RPAIN: variants seen among roughly 807,000 people sequenced by gnomAD.
RPAIN encodes the protein RPA-interacting protein.
RPAIN carries 29 observed loss-of-function variants against 30.5 expected under a neutral mutation model. That is an observed-to-expected ratio of 0.95 (90% CI 0.71 to 1.30). The LOEUF is 1.30. RPAIN is among the 50% of genes most tolerant of loss of function. The pLI is 0.00. For synonymous variants in RPAIN, 101 were observed against 93.5 expected (o/e 1.08, Z -0.46); for missense variants, 247 against 264.7 (o/e 0.93, Z 0.46).
chr17:5,421,489 C>G, intron 2 of RPAIN, 23 bp downstream of exon 2: 1 of 1,609,846 alleles, frequency 6.2e-7, no homozygotes, highest in Non-Finnish European at 8.5e-7. Flanking sequence ...TATGTGTTTT[C>G]AGGGAGGGGG....
At chr17:5,424,154 ATTTT>A (rs1325439293) in intron 3 of RPAIN, among the ~76,000 whole-genome samples, 62 of 151,074 alleles carry the variant, frequency 4.1e-4, no homozygotes, top group African/African-American at 1.4e-3. Flanking sequence ...TACCGAGCTA[ATTTT>A]TTTATTTTTT....
intron 3 of RPAIN, among the ~76,000 whole-genome samples, chr17:5,423,648 C>T (rs1184856570): frequency 1.3e-5 from 2 of 152,230 alleles, no homozygotes; most frequent in Non-Finnish European, 2.9e-5. Flanking sequence ...CTGTGAGCAT[C>T]CACTCCTTGA....
intron 1 of RPAIN, 93 bp downstream of exon 1, chr17:5,420,384 GT>G: frequency 4.5e-6 from 5 of 1,107,692 alleles, no homozygotes; most frequent in Non-Finnish European, 6.5e-6. Context: ...CGTGGAGCAG[GT>G]GCCGCAGCGC....
At chr17:5,429,576 G>A in intron 6 of RPAIN, 3 of 985,424 alleles carry the variant, frequency 3.0e-6, no homozygotes, top group Non-Finnish European at 3.6e-6. Flanking sequence ...AGGCCTTGGT[G>A]GAAGGATGCC....
intron 6 of RPAIN, chr17:5,429,613 G>A: frequency 4.1e-6 from 4 of 985,448 alleles, no homozygotes; most frequent in Non-Finnish European, 4.8e-6. Flanking sequence ...TATGGAAAGA[G>A]ACATAGCAGG....
chr17:5,431,936 G>A, intron 6 of RPAIN: 1 of 277,464 alleles, frequency 3.6e-6, no homozygotes, highest in East Asian at 1.1e-4. Context: ...ATCCCCTACT[G>A]CTCAAGGTCA....
chr17:5,432,823 C>T lies in RPAIN; in HGVS notation c.*252C>T, dbSNP rs1355849821. ...TATGTCTATCATGTTATACAAAAAT[C>T]TAGAAATAATAGATTTGTACAGAAA... On this transcript the variant is annotated 3_prime_UTR_variant, in exon 7 of 7. Coordinates refer to ENST00000381209, the MANE Select transcript of RPAIN (RefSeq NM_001033002.4). 6 of 884,808 alleles carry T rather than the reference C, an allele frequency of 6.8e-6. No homozygotes were observed. Among genetic ancestry groups the T allele is most frequent in the Non-Finnish European group, 9.7e-6 (6 of 615,644 alleles). 54.8% of individuals were successfully genotyped at this position (884,808 alleles called of 1,614,324 possible).
intron 6 of RPAIN, chr17:5,429,697 A>G: frequency 9.1e-6 from 9 of 985,478 alleles, no homozygotes; most frequent in Non-Finnish European, 1.1e-5. Flanking sequence ...CCAGCTATCC[A>G]GCACTGGTAG....
chr17:5,424,533 A>T (rs999370815), intron 3 of RPAIN, among the ~76,000 whole-genome samples: 2 of 152,212 alleles, frequency 1.3e-5, no homozygotes, highest in African/African-American at 4.8e-5. Flanking sequence ...TGTCTGGCAT[A>T]TAGAGAGCTT....
rs376846066 is a variant in RPAIN, at chr17:5,432,581, G to A, written c.*10G>A. On this transcript the variant is annotated 3_prime_UTR_variant, in exon 7 of 7. Coordinates refer to ENST00000381209, the MANE Select transcript of RPAIN (RefSeq NM_001033002.4). ...GGCTGTGATCCTCTAGAGCCAGCTT[G>A]GACTCACATCATTCTATGGGGTTGA... 47 of 1,613,350 alleles carry A rather than the reference G, an allele frequency of 2.9e-5. No homozygotes were observed. In the African/African-American group the frequency reaches 5.5e-4, roughly 19 times the overall value.
chr17:5,429,281 A>G, intron 6 of RPAIN: 1 of 985,490 alleles, frequency 1.0e-6, no homozygotes, highest in Non-Finnish European at 1.2e-6. Flanking sequence ...CTGGACAGAC[A>G]TGGAGATCTG....
Position 5,426,539 on chromosome 17 carries a change from A to G in RPAIN, c.489+240A>G, listed in dbSNP as rs184604331. 9.3e-4 allele frequency: 436 copies of G among 470,976 alleles called. 4 individuals carry two copies. The East Asian group carries it at 0.014, about 15-fold the overall frequency. The allele number at this position is 470,976 out of a possible 1,614,324, so 29.2% of individuals were successfully genotyped here. On this transcript the variant is annotated intron_variant, in intron 5 of 6. Coordinates refer to ENST00000381209, the MANE Select transcript of RPAIN (RefSeq NM_001033002.4). ...AGAGCCATCACCGCTTAACGTTTTT[A>G]TGGAGACCTCAGCTTGGGATTGGTA... is the stretch of plus-strand genomic sequence containing the variant.
rs369847048 is a variant in RPAIN at position 5,428,094 on chromosome 17, G to A, written c.513G>A (p.Lys171=). Residue 171 remains lysine (K), a synonymous_variant, in exon 6 of 7, where the codon AAG becomes AAA. Coordinates refer to ENST00000381209, the MANE Select transcript of RPAIN (RefSeq NM_001033002.4). ...PSHSSELTEQ[K]LRACLEGSIN... ...AGTCTTCTGAGTTGACAGAGCAGAAGCTTCGTGCCTGTTTAGAGGGTAGTA... is the reference window on the plus strand; with the variant it reads ...AGTCTTCTGAGTTGACAGAGCAGAAACTTCGTGCCTGTTTAGAGGGTAGTA... 7 of 1,614,028 alleles carry A rather than the reference G, an allele frequency of 4.3e-6. No individual in the cohort carries two copies. Among genetic ancestry groups the A allele is most frequent in the Non-Finnish European group, 5.9e-6 (7 of 1,180,040 alleles).
chr17:5,426,492 A>G, intron 5 of RPAIN, 193 bp downstream of exon 5: 1 of 605,306 alleles, frequency 1.7e-6, no homozygotes, highest in East Asian at 2.8e-5. Context: ...AACAGTACAC[A>G]TCAGAGCCTT....
intron 1 of RPAIN, 113 bp downstream of exon 1, chr17:5,420,404 T>A: frequency 1.1e-6 from 1 of 870,150 alleles, no homozygotes; most frequent in Non-Finnish European, 1.8e-6. Flanking sequence ...GCGCCTGGTC[T>A]GGTCAAACCC....
At chr17:5,429,007 C>A in intron 6 of RPAIN, 1 of 970,646 alleles carries the variant, frequency 1.0e-6, no homozygotes, top group African/African-American at 1.8e-5. Flanking sequence ...TGGTAACAGC[C>A]ATTTCACCTT....
chr17:5,421,795 G>A (rs1004630355), intron 2 of RPAIN: 3 of 169,286 alleles, frequency 1.8e-5, no homozygotes, highest in Non-Finnish European at 2.5e-5. Context: ...CCTCTCTCTC[G>A]CTCTTTTTTT....
Position 5,426,333 on chromosome 17 carries a change from C to T in RPAIN, c.489+34C>T, listed in dbSNP as rs202075734. 5.0e-5 allele frequency: 78 copies of T among 1,561,372 alleles called. No homozygotes were observed. In the East Asian group the frequency reaches 1.6e-3, roughly 33 times the overall value. ...TCCACACACAGATTTCATGATACTT[C>T]TTCCCACATGGATCTACTTTCTTGA... On this transcript the variant is annotated intron_variant, in intron 5 of 6. Transcript: ENST00000381209.
In RPAIN at chr17:5,428,117, G is replaced by C; in HGVS notation, c.536G>C (p.Ser179Thr). The C allele has an allele frequency of 1.9e-6, 3 of 1,614,162 alleles. No homozygotes were observed. Among genetic ancestry groups the C allele is most frequent in the Non-Finnish European group, 2.5e-6 (3 of 1,180,020 alleles). ...EQKLRACLEG[S>T]INEHSAHCPH... ...AAGCTTCGTGCCTGTTTAGAGGGTA[G>C]TATAAATGAGCACAGTGCACATTGT... The change falls in exon 6 of 7, where the codon AGT becomes ACT. Residue 179 changes from serine (S) to threonine (T), a missense_variant. Coordinates refer to ENST00000381209, the MANE Select transcript of RPAIN (RefSeq NM_001033002.4).
Sources: gnomAD v4.1 joint callset for allele counts (sites outside exome capture counted in the v4.1 genomes callset) on GRCh38, gnomAD v4.1.1 for gene constraint, MANE v1.5 for transcripts, NCBI Gene and HGNC (gene_info 2026-07-23, HGNC 2026-07-21) for gene names.